GABRG3: variants seen among roughly 807,000 people sequenced by gnomAD.
GABRG3 encodes gamma-aminobutyric acid type A receptor subunit gamma3.
A neutral mutation model predicts 48.8 loss-of-function variants in GABRG3; 25 were observed. That is an observed-to-expected ratio of 0.51 (90% CI 0.37 to 0.72). GABRG3 has a LOEUF of 0.72. Ranked by LOEUF, GABRG3 falls within the 30% of genes least tolerant of loss-of-function variation. The pLI, the probability that GABRG3 is intolerant of heterozygous loss-of-function variation, is 0.00. For synonymous variants in GABRG3, 227 were observed against 217.6 expected (o/e 1.04, Z -0.38); for missense variants, 394 against 577.9 (o/e 0.68, Z 3.26).
intron 3 of GABRG3, among the ~76,000 whole-genome samples, chr15:27,046,408 A>G (rs1380505236): frequency 1.3e-5 from 2 of 151,980 alleles, no homozygotes; most frequent in African/African-American, 4.8e-5. Context: ...TTGGCCCCTT[A>G]TATACTTCTT....
At chr15:27,239,772 A>G (rs78022607) in intron 3 of GABRG3, among the ~76,000 whole-genome samples, 2,908 of 152,256 alleles carry the variant, frequency 0.019, 106 homozygotes, top group African/African-American at 0.067. Flanking sequence ...CTAAAAATGT[A>G]TTCTCAGTTA....
At chr15:27,430,731 T>A (rs932843911) in intron 5 of GABRG3, among the ~76,000 whole-genome samples, 36 of 152,298 alleles carry the variant, frequency 2.4e-4, no homozygotes, top group African/African-American at 8.7e-4. Flanking sequence ...GGCTGACACC[T>A]GTAATCCCAG....
intron 5 of GABRG3, among the ~76,000 whole-genome samples, chr15:27,388,177 A>G (rs547545674): frequency 1.2e-5 from 1 of 82,048 alleles, no homozygotes; most frequent in Non-Finnish European, 2.3e-5. Flanking sequence ...GAAGGAAGGA[A>G]AGGAGGGAGG....
chr15:27,358,103 G>C (rs542763656), intron 5 of GABRG3, among the ~76,000 whole-genome samples: 2 of 152,288 alleles, frequency 1.3e-5, no homozygotes, highest in East Asian at 3.9e-4. Flanking sequence ...CATGAAGGTG[G>C]ATACGAGCTT....
chr15:27,215,217 G>C (rs1380494167), intron 3 of GABRG3, among the ~76,000 whole-genome samples: 2 of 152,192 alleles, frequency 1.3e-5, no homozygotes, highest in Non-Finnish European at 2.9e-5. Context: ...AGGAGGAAGA[G>C]GAGTCAGGGA....
At chr15:27,388,113 G>A (rs1251533202) in intron 5 of GABRG3, among the ~76,000 whole-genome samples, 1 of 65,658 alleles carries the variant, frequency 1.5e-5, no homozygotes, top group African/African-American at 8.0e-5. Context: ...GGAGGGAAAA[G>A]AAGGAAGGAA....
chr15:27,372,831 C>A (rs1290328574), intron 5 of GABRG3, among the ~76,000 whole-genome samples: 2 of 152,240 alleles, frequency 1.3e-5, no homozygotes, highest in African/African-American at 4.8e-5. Flanking sequence ...CTGTCTCTCT[C>A]CCAGTCCCAG....
intron 3 of GABRG3, among the ~76,000 whole-genome samples, chr15:27,266,500 A>T (rs1178778101): frequency 6.6e-6 from 1 of 152,172 alleles, no homozygotes; most frequent in African/African-American, 2.4e-5. Flanking sequence ...CTTCTCTTTC[A>T]AAGTTACTTT....
At chr15:27,448,798 T>G (rs1889021070) in intron 5 of GABRG3, among the ~76,000 whole-genome samples, 1 of 151,982 alleles carries the variant, frequency 6.6e-6, no homozygotes, top group South Asian at 2.1e-4. Flanking sequence ...TGTGCATGTG[T>G]GCATGCACAC....
chr15:27,092,393 T>C (rs1199966612), intron 3 of GABRG3, among the ~76,000 whole-genome samples: 1 of 152,238 alleles, frequency 6.6e-6, no homozygotes, highest in Non-Finnish European at 1.5e-5. Flanking sequence ...CCTATTTTTA[T>C]GTGTCCATGT....
chr15:27,501,822 T>A (rs1175195755), intron 6 of GABRG3, among the ~76,000 whole-genome samples: 1 of 152,126 alleles, frequency 6.6e-6, no homozygotes, highest in Non-Finnish European at 1.5e-5. Flanking sequence ...TCATTTCAGG[T>A]ACACCTCTGG....
At chr15:27,163,189 G>A (rs115672580) in intron 3 of GABRG3, among the ~76,000 whole-genome samples, 4,301 of 152,152 alleles carry the variant, frequency 0.028, 214 homozygotes, top group African/African-American at 0.098. Context: ...TATCCTCAGA[G>A]ACTCCTACTG....
At chr15:27,237,032 G>T (rs560970667) in intron 3 of GABRG3, among the ~76,000 whole-genome samples, 1 of 152,174 alleles carries the variant, frequency 6.6e-6, no homozygotes, top group Non-Finnish European at 1.5e-5. Context: ...TCGACCTTGC[G>T]ATTCTTCAGT....
intron 3 of GABRG3, among the ~76,000 whole-genome samples, chr15:27,053,511 A>C (rs949523922): frequency 6.6e-6 from 1 of 152,202 alleles, no homozygotes; most frequent in African/African-American, 2.4e-5. Context: ...TGCAGAGAAA[A>C]TGGAACACTT....
chr15:27,272,644 G>A (rs554206741), intron 3 of GABRG3, among the ~76,000 whole-genome samples: 1 of 152,248 alleles, frequency 6.6e-6, no homozygotes, highest in Non-Finnish European at 1.5e-5. Context: ...ACAGCCCACA[G>A]TGCACCATTC....
In GABRG3 at chr15:26,974,987, C is replaced by T. The variant is rs938475327; in HGVS notation, c.54-2015C>T. 6.6e-6 allele frequency among the ~76,000 whole-genome samples: 1 copy of T among 151,590 alleles called. No homozygotes were observed. The highest frequency in any genetic ancestry group is 1.5e-5 in the Non-Finnish European group (1 of 67,922). Reference sequence around the variant, plus strand: ...CTCCTGGGTTCAAGCAATTCTCTTGCCTCAGCCTCCTGAATAGCCAGGACT... The same window carrying T: ...CTCCTGGGTTCAAGCAATTCTCTTGTCTCAGCCTCCTGAATAGCCAGGACT... On this transcript the variant is annotated intron_variant, in intron 1 of 9. Coordinates refer to ENST00000615808, the MANE Select transcript of GABRG3 (RefSeq NM_033223.5). This position sits in a 1 kb window ranked among gnomAD's most constrained non-coding sequence, Gnocchi z 4.3.
intron 3 of GABRG3, among the ~76,000 whole-genome samples, chr15:27,231,650 C>T (rs937034970): frequency 2.0e-5 from 3 of 152,170 alleles, no homozygotes; most frequent in African/African-American, 7.2e-5. Flanking sequence ...AGGCTGACAT[C>T]CTAGAAAATC....
chr15:27,427,257 A>G (rs1158697307), intron 5 of GABRG3, among the ~76,000 whole-genome samples: 2 of 152,238 alleles, frequency 1.3e-5, no homozygotes, highest in African/African-American at 4.8e-5. Flanking sequence ...TTCTATATAC[A>G]CAATCTTATC....
intron 5 of GABRG3, among the ~76,000 whole-genome samples, chr15:27,414,237 G>T (rs948447286): frequency 5.3e-5 from 8 of 152,112 alleles, no homozygotes; most frequent in African/African-American, 1.9e-4. Context: ...TTATCTTTCT[G>T]GTTCATGAAT....
Sources: gnomAD v4.1 joint callset for allele counts (sites outside exome capture counted in the v4.1 genomes callset) on GRCh38, gnomAD v4.1.1 for gene constraint, Gnocchi (gnomAD v3.1) non-coding constraint, MANE v1.5 for transcripts, NCBI Gene and HGNC (gene_info 2026-07-23, HGNC 2026-07-21) for gene names.